Variants in TOMM20 observed in about 807,000 individuals in gnomAD.
The protein encoded by TOMM20 is mitochondrial import receptor subunit TOM20 homolog.
A neutral mutation model predicts 22.1 loss-of-function variants in TOMM20; 10 were observed. The ratio of observed to expected loss-of-function variants is 0.45; its 90% confidence interval spans 0.28 to 0.77. The LOEUF is 0.77. Among genes scored for constraint, TOMM20 ranks in the 30% least tolerant of loss-of-function variants. TOMM20 has a pLI of 0.13. For missense variants in TOMM20, 121 were observed against 172.2 expected (o/e 0.70, Z 1.66); for synonymous variants, 55 against 61.4 (o/e 0.90, Z 0.49).
intron 1 of TOMM20, among the ~76,000 whole-genome samples, chr1:235,123,687 A>G (rs1660967346): frequency 6.6e-6 from 1 of 152,234 alleles, no homozygotes; most frequent in Admixed American, 6.5e-5. Flanking sequence ...AGTTGATCTT[A>G]TGTATTAATC....
chr1:235,111,347 G>C lies in TOMM20; in HGVS notation c.*717C>G, dbSNP rs777923516. On this transcript the variant is annotated 3_prime_UTR_variant, in exon 5 of 5. Coordinates refer to ENST00000366607, the MANE Select transcript of TOMM20 (RefSeq NM_014765.3). ...CATTCTCTCACGTAACAAATGGAGG[G>C]AAAGTGAGCACACATTAACTAGCGA... The C allele has an allele frequency of 6.6e-6, 1 of 152,252 alleles. No homozygotes were observed. The highest frequency in any genetic ancestry group is 6.5e-5 in the Admixed American group (1 of 15,278). 9.4% of individuals were successfully genotyped at this position (152,252 alleles called of 1,614,324 possible). A position where few individuals can be genotyped will look rare whatever the true frequency, so the allele number is the denominator to read the frequency against.
chr1:235,128,752 G>C lies in TOMM20; in HGVS notation c.-37C>G, dbSNP rs756022812. On this transcript the variant is annotated 5_prime_UTR_variant, in exon 1 of 5. Transcript: ENST00000366607. Reference sequence around the variant, plus strand: ...CGCTGAGCGTGGACGGTGGCGGCAGGGACCGCGAAGGAGCGGTGGGCCACG... The same window carrying C: ...CGCTGAGCGTGGACGGTGGCGGCAGCGACCGCGAAGGAGCGGTGGGCCACG... The C allele has an allele frequency of 6.2e-7, 1 of 1,612,204 alleles. No homozygotes were observed. Among genetic ancestry groups the C allele is most frequent in the Admixed American group, 1.7e-5 (1 of 59,968 alleles).
chr1:235,114,945 C>T (rs1480265505), intron 3 of TOMM20, among the ~76,000 whole-genome samples: 1 of 152,154 alleles, frequency 6.6e-6, no homozygotes, highest in African/African-American at 2.4e-5. Context: ...TCTTGGCTGA[C>T]TGCAGCCTCA....
At chr1:235,125,186 AAAC>A (rs1275933073) in intron 1 of TOMM20, among the ~76,000 whole-genome samples, 96 of 152,092 alleles carry the variant, frequency 6.3e-4, no homozygotes, top group African/African-American at 2.2e-3. Flanking sequence ...GCCTCATTTT[AAAC>A]AATATAAGGC....
At position 235,117,184 on chromosome 1, in the gene TOMM20, T is replaced by C. The variant is rs865871100; in HGVS notation, c.250+2634A>G. Among the ~76,000 whole-genome samples, 83 of 119,200 alleles carry C rather than the reference T, an allele frequency of 7.0e-4. No individual in the cohort carries two copies. In the Middle Eastern group the frequency reaches 0.031, roughly 45 times the overall value. 78.2% of individuals were successfully genotyped at this position (119,200 alleles called of 152,430 possible). A position where few individuals can be genotyped will look rare whatever the true frequency, so the allele number is the denominator to read the frequency against. On this transcript the variant is annotated intron_variant, in intron 3 of 4. Coordinates refer to ENST00000366607, the MANE Select transcript of TOMM20 (RefSeq NM_014765.3). ...AAAAAAAGAGTAAGAATAGACCAGG[T>C]GCAGTGGCTCACACCTGTAATCCCA...
At chr1:235,118,523 A>G (rs1660873852) in intron 3 of TOMM20, among the ~76,000 whole-genome samples, 1 of 152,056 alleles carries the variant, frequency 6.6e-6, no homozygotes, top group Non-Finnish European at 1.5e-5. Context: ...GCAGTTACAG[A>G]TTTTATGTAT....
chr1:235,128,772 GC>G lies in TOMM20; in HGVS notation c.-58del, dbSNP rs1661083435. On this transcript the variant is annotated 5_prime_UTR_variant, in exon 1 of 5. Coordinates refer to ENST00000366607, the MANE Select transcript of TOMM20 (RefSeq NM_014765.3). ...GGCAGGGACCGCGAAGGAGCGGTGG[GC>G]CACGAACCCTCAGAGCGGTCGGCGC... 2 of 1,609,420 alleles carry G rather than the reference GC, an allele frequency of 1.2e-6. No individual in the cohort carries two copies. Among genetic ancestry groups the G allele is most frequent in the African/African-American group, 2.7e-5 (2 of 74,874 alleles).
In TOMM20 at chr1:235,113,757, C is replaced by T; in HGVS notation, c.393+11G>A. ...CACTCACTTTTATGTCATAACATTC[C>T]AATTCCTTACCTGACTAATTGTTGG... On this transcript the variant is annotated intron_variant, in intron 4 of 4. Transcript: ENST00000366607. 1 of 1,599,444 alleles carries T rather than the reference C, an allele frequency of 6.3e-7. No homozygotes were observed. Among genetic ancestry groups the T allele is most frequent in the South Asian group, 1.1e-5 (1 of 88,758 alleles).
At chr1:235,114,521 C>A (rs4300293) in intron 3 of TOMM20, among the ~76,000 whole-genome samples, 1 of 150,132 alleles carries the variant, frequency 6.7e-6, no homozygotes, top group Non-Finnish European at 1.5e-5. Flanking sequence ...ACTGCAGGCT[C>A]TGCTCCCCAG....
At chr1:235,124,273 G>A (rs1375529305) in intron 1 of TOMM20, among the ~76,000 whole-genome samples, 2 of 152,238 alleles carry the variant, frequency 1.3e-5, no homozygotes, top group African/African-American at 2.4e-5. Flanking sequence ...CTTGAACCTG[G>A]GAGTTTGAGG....
chr1:235,127,792 C>A (rs1377370723), intron 1 of TOMM20: 1 of 512,224 alleles, frequency 2.0e-6, no homozygotes, highest in Non-Finnish European at 3.9e-6. Flanking sequence ...CTCTGGTAGA[C>A]CTCTCTTAAA....
At chr1:235,116,958 A>G (rs1478753612) in intron 3 of TOMM20, among the ~76,000 whole-genome samples, 8 of 149,646 alleles carry the variant, frequency 5.3e-5, no homozygotes, top group East Asian at 2.0e-4. Context: ...ACATGGTGAA[A>G]CCCCGTCTCT....
chr1:235,128,656 G>A lies in TOMM20; in HGVS notation c.60C>T (p.Tyr20=), dbSNP rs752643999. ...GTCTTTTGCGGTCGAAGTAGATGCA[G>A]TACCCAATGAAAAGGGCCCCGCATA... is the stretch of plus-strand genomic sequence containing the variant. ...AGVCGALFIG[Y]CIYFDRKRRS... The change falls in exon 1 of 5, where the codon TAC becomes TAT. Residue 20 remains tyrosine, a synonymous_variant. Transcript: ENST00000366607. The A allele has an allele frequency of 6.2e-7, 1 of 1,614,020 alleles. No individual in the cohort carries two copies. The highest frequency in any genetic ancestry group is 8.5e-7 in the Non-Finnish European group (1 of 1,179,962).
chr1:235,120,279 T>C (rs1176168381), intron 2 of TOMM20, among the ~76,000 whole-genome samples: 1 of 152,206 alleles, frequency 6.6e-6, no homozygotes, highest in Non-Finnish European at 1.5e-5. Flanking sequence ...TGTTTTTGTT[T>C]TTTTGTTTTT....
At chr1:235,114,439 CTTTTT>C (rs67573955) in intron 3 of TOMM20, among the ~76,000 whole-genome samples, 1 of 131,606 alleles carries the variant, frequency 7.6e-6, no homozygotes. Context: ...CTTATTTTTT[CTTTTT>C]TTTTTTTTTT....
intron 1 of TOMM20, 123 bp downstream of exon 1, chr1:235,128,472 T>C (rs1169722484): frequency 1.3e-5 from 19 of 1,491,952 alleles, no homozygotes; most frequent in Non-Finnish European, 1.6e-5. Context: ...CCATCGCCTA[T>C]TGAGGGCCGC....
At position 235,110,061 on chromosome 1, in the gene TOMM20, C is replaced by T. The variant is rs551775111; in HGVS notation, c.*2003G>A. On this transcript the variant is annotated 3_prime_UTR_variant, in exon 5 of 5. Transcript: ENST00000366607. ...AAAAGTGGTACCTCATTTTAAAGCA[C>T]CAAAGTTGTCATTTAAATAAGAAAA... 1.1e-4 allele frequency: 16 copies of T among 152,258 alleles called. No individual in the cohort carries two copies. The highest frequency in any genetic ancestry group is 3.4e-4 in the African/African-American group (14 of 41,536). 9.4% of individuals were successfully genotyped at this position (152,258 alleles called of 1,614,324 possible).
rs371950950 is a variant in TOMM20 at position 235,118,535 on chromosome 1, T to C, written c.250+1283A>G. Among the ~76,000 whole-genome samples the C allele has an allele frequency of 3.5e-4, 54 of 152,332 alleles. 1 individual carries two copies. Among genetic ancestry groups the C allele is most frequent in the African/African-American group, 1.1e-3 (46 of 41,572 alleles). Reference sequence around the variant, plus strand: ...TCTGCAGTTACAGATTTTATGTATATAGTTTTTAAGAGACAGCATATCATT... The same window carrying C: ...TCTGCAGTTACAGATTTTATGTATACAGTTTTTAAGAGACAGCATATCATT... On this transcript the variant is annotated intron_variant, in intron 3 of 4. Coordinates refer to ENST00000366607, the MANE Select transcript of TOMM20 (RefSeq NM_014765.3).
At chr1:235,122,217 C>T in intron 2 of TOMM20, 109 bp downstream of exon 2, 3 of 922,208 alleles carry the variant, frequency 3.3e-6, no homozygotes, top group Non-Finnish European at 4.6e-6. Flanking sequence ...AAAGCAATGT[C>T]CAGTATCAAC....
Sources: gnomAD v4.1 joint callset for allele counts (sites outside exome capture counted in the v4.1 genomes callset) on GRCh38, gnomAD v4.1.1 for gene constraint, MANE v1.5 for transcripts, NCBI Gene and HGNC (gene_info 2026-07-23, HGNC 2026-07-21) for gene names.